The following CRPPA variants were observed in gnomAD, a reference collection of about 807,000 sequenced individuals.
CRPPA encodes D-ribitol-5-phosphate cytidylyltransferase.
CRPPA carries 43 observed loss-of-function variants against 52.0 expected under a neutral mutation model. The ratio of observed to expected loss-of-function variants is 0.83; its 90% CI spans 0.65 to 1.07. The LOEUF (loss-of-function observed/expected upper bound fraction) is 1.07, where lower values mean the gene tolerates loss of function less well. Ranked by LOEUF, CRPPA falls within the 50% of genes least tolerant of loss-of-function variation. The pLI is 0.00. For synonymous variants in CRPPA, 250 were observed against 203.5 expected, an observed-to-expected ratio of 1.23 and a Z score of -1.94; for missense variants, 629 against 551.7, an observed-to-expected ratio of 1.14 and a Z score of -1.40.
Position 16,306,531 on chromosome 7 carries a change from G to A in CRPPA, c.789+1992C>T, listed in dbSNP as rs148559005. On this transcript the variant is annotated intron_variant, in intron 4 of 9. Coordinates refer to ENST00000407010, the MANE Select transcript of CRPPA (RefSeq NM_001101426.4). ...TCCTTTTCATCCACAGATCTCAAGA[G>A]TGCTTTACAAACTTGATGAGGGCTC... 2.5e-3 allele frequency among the ~76,000 whole-genome samples: 378 copies of A among 152,306 alleles called. 2 individuals are homozygous for A. Among genetic ancestry groups the A allele is most frequent in the African/African-American group, 8.7e-3 (362 of 41,572 alleles).
In CRPPA at chr7:16,089,400, A is replaced by ACATAT. The variant is rs541517597; in HGVS notation, c.*2294_*2295insATATG. On this transcript the variant is annotated 3_prime_UTR_variant, in exon 10 of 10. Coordinates refer to ENST00000407010, the MANE Select transcript of CRPPA (RefSeq NM_001101426.4). The stretch of plus-strand genomic sequence containing the variant: ...TATATACGTATATATGTATGTACAT[A>ACATAT]ATGTGTATATATGTACGTACATACA... The ACATAT allele has an allele frequency of 1.1e-5, 4 of 362,400 alleles. No individual in the cohort carries two copies. The highest frequency in any genetic ancestry group is 7.9e-5 in the East Asian group (1 of 12,622). 22.4% of individuals were successfully genotyped at this position (362,400 alleles called of 1,614,324 possible). A position where few individuals can be genotyped will look rare whatever the true frequency, so the allele number is the denominator to read the frequency against.
chr7:16,339,851 A>T (rs2526610), intron 3 of CRPPA, among the ~76,000 whole-genome samples: 13,889 of 152,246 alleles, frequency 0.091, 1,004 homozygotes, highest in African/African-American at 0.2. Context: ...CCAGACTTCA[A>T]CAGTTACTGT....
chr7:16,190,154 C>G (rs1562547776), intron 9 of CRPPA, among the ~76,000 whole-genome samples: 1 of 152,124 alleles, frequency 6.6e-6, no homozygotes, highest in African/African-American at 2.4e-5. Flanking sequence ...AGTGTCAAGC[C>G]AGCTTGCAGA....
At chr7:16,354,913 A>C (rs1047146185) in intron 3 of CRPPA, among the ~76,000 whole-genome samples, 1 of 152,216 alleles carries the variant, frequency 6.6e-6, no homozygotes, top group African/African-American at 2.4e-5. Flanking sequence ...GTTAAACCAG[A>C]AAGATGAAAA....
Position 16,258,417 on chromosome 7 carries a change from GCAAAGA to G in CRPPA, c.1086_1091del (p.Leu363_Cys364del), listed in dbSNP as rs1783702724. ...AAACAACAACAACAGGATATAAAAT[GCAAAGA>G]CTACTCTCTTCAAGCATGCTCAGTA... On this transcript the variant is annotated inframe_deletion, in exon 8 of 10. Transcript: ENST00000407010. The G allele has an allele frequency of 6.2e-7, 1 of 1,605,146 alleles. No homozygotes were observed.
At chr7:16,365,551 A>G (rs752546840) in intron 3 of CRPPA, among the ~76,000 whole-genome samples, 11 of 152,206 alleles carry the variant, frequency 7.2e-5, no homozygotes, top group Non-Finnish European at 1.5e-4. Context: ...ACATAAAGCA[A>G]CATAATAGAG....
chr7:16,138,259 T>C (rs952175125), intron 9 of CRPPA, among the ~76,000 whole-genome samples: 9 of 152,186 alleles, frequency 5.9e-5, no homozygotes, highest in Admixed American at 1.3e-4. Context: ...GGTAGAACAA[T>C]TGATTTACAG....
chr7:16,353,004 T>C (rs1339061334), intron 3 of CRPPA, among the ~76,000 whole-genome samples: 1 of 151,996 alleles, frequency 6.6e-6, no homozygotes. Flanking sequence ...GACATTTTGC[T>C]AAGTAAAATA....
At position 16,216,088 on chromosome 7, in the gene CRPPA, C is replaced by G; in HGVS notation, c.1229G>C (p.Gly410Ala). The G allele has an allele frequency of 6.3e-7, 1 of 1,597,246 alleles. No individual in the cohort carries two copies. The highest frequency in any genetic ancestry group is 8.5e-7 in the Non-Finnish European group (1 of 1,170,768). Residue 410 changes from glycine (G) to alanine (A), a missense_variant, in exon 9 of 10, where the codon GGG becomes GCG. Gly to Ala is a moderately conservative substitution (Grantham distance 60). Transcript: ENST00000407010. ...TACCTGTGGGTAAGATATGAGAAGC[C>G]CATATAACAAAATATTTCTTTCTTT... ...EVKERNILLY[G>A]LLISYPQDDQ...
In CRPPA at chr7:16,269,201, T is replaced by C. The variant is rs1470040580; in HGVS notation, c.933+8928A>G. 4 of 151,840 alleles carry C rather than the reference T, an allele frequency of 2.6e-5. No homozygotes were observed. In the South Asian group the frequency reaches 8.3e-4, roughly 31 times the overall value. The allele number at this position is 151,840 out of a possible 1,614,324, so 9.4% of individuals were successfully genotyped here. On this transcript the variant is annotated intron_variant, in intron 6 of 9. Coordinates refer to ENST00000407010, the MANE Select transcript of CRPPA (RefSeq NM_001101426.4). The stretch of plus-strand genomic sequence containing the variant: ...TCCACAGCACTGTGTGAGGGATCAG[T>C]GATAAGAGACGGTGAAAGACATGCG...
rs529313675 is a variant in CRPPA, at chr7:16,095,292, A to C, written c.1252-3493T>G. 1.4e-4 allele frequency among the ~76,000 whole-genome samples: 21 copies of C among 152,322 alleles called. No individual in the cohort carries two copies. In the South Asian group the frequency reaches 4.1e-3, roughly 30 times the overall value. On this transcript the variant is annotated intron_variant, in intron 9 of 9. Transcript: ENST00000407010. ...CCTTTAATAAACTATGCAGTTGGGA[A>C]GTCAGATTGCTGCTATTTATATACA...
intron 3 of CRPPA, among the ~76,000 whole-genome samples, chr7:16,366,117 C>G (rs1217962878): frequency 6.6e-6 from 1 of 152,208 alleles, no homozygotes; most frequent in African/African-American, 2.4e-5. Context: ...ATAGCACCTT[C>G]TTGTTGCATC....
intron 5 of CRPPA, among the ~76,000 whole-genome samples, chr7:16,286,068 T>TTAAAAA (rs1562608533): frequency 4.2e-5 from 1 of 24,066 alleles, no homozygotes; most frequent in Non-Finnish European, 7.2e-5. Context: ...TATATATATA[T>TTAAAAA]ATATATATAT....
At chr7:16,348,232 T>C (rs1415902805) in intron 3 of CRPPA, among the ~76,000 whole-genome samples, 1 of 152,176 alleles carries the variant, frequency 6.6e-6, no homozygotes, top group Non-Finnish European at 1.5e-5. Context: ...TGTCTGTCCA[T>C]TGAATGCTCA....
intron 2 of CRPPA, among the ~76,000 whole-genome samples, chr7:16,404,618 C>CAA (rs57602557): frequency 7.1e-4 from 71 of 100,600 alleles, no homozygotes; most frequent in African/African-American, 2.1e-3. Context: ...GTAACACAGG[C>CAA]AAAAAAAAAA....
chr7:16,274,676 G>A (rs1398444659), intron 6 of CRPPA, among the ~76,000 whole-genome samples: 2 of 151,992 alleles, frequency 1.3e-5, no homozygotes, highest in Non-Finnish European at 2.9e-5. Flanking sequence ...TTATATGAAG[G>A]AAATCCCTAA....
intron 1 of CRPPA, among the ~76,000 whole-genome samples, chr7:16,412,994 G>A (rs991066094): frequency 2.0e-5 from 3 of 152,146 alleles, no homozygotes; most frequent in Admixed American, 6.5e-5. Context: ...TGAAACAGAT[G>A]GGAAAGATCA....
At position 16,387,076 on chromosome 7, in the gene CRPPA, T is replaced by TACAC. The variant is rs1415862594; in HGVS notation, c.535-10836_535-10835insGTGT. On this transcript the variant is annotated intron_variant, in intron 2 of 9. Coordinates refer to ENST00000407010, the MANE Select transcript of CRPPA (RefSeq NM_001101426.4). ...ATATATATATATATATATATATATA[T>TACAC]ATATATATATACACACATATATATA... 2.9e-4 allele frequency among the ~76,000 whole-genome samples: 19 copies of TACAC among 65,668 alleles called. 1 individual carries two copies. Among genetic ancestry groups the TACAC allele is most frequent in the African/African-American group, 1.7e-3 (19 of 11,398 alleles). The allele number at this position is 65,668 out of a possible 152,430, so 43.1% of individuals were successfully genotyped here.
In CRPPA at chr7:16,286,066, T is replaced by TTTAAAAAAAAAAA. The variant is rs1562608525; in HGVS notation, c.836-7841_836-7840insTTTTTTTTTTTAA. On this transcript the variant is annotated intron_variant, in intron 5 of 9. Transcript: ENST00000407010. Reference sequence around the variant, plus strand: ...ATAAATATATATATATATATATATATATATATATATATATAATATTTAAAA... The same window carrying TTTAAAAAAAAAAA: ...ATAAATATATATATATATATATATATTTAAAAAAAAAAAATATATATATATATAATATTTAAAA... Among the ~76,000 whole-genome samples, 11 of 25,826 alleles carry TTTAAAAAAAAAAA rather than the reference T, an allele frequency of 4.3e-4. 1 individual carries two copies. Among genetic ancestry groups the TTTAAAAAAAAAAA allele is most frequent in the African/African-American group, 1.6e-3 (7 of 4,404 alleles). The allele number at this position is 25,826 out of a possible 152,430, so 16.9% of individuals were successfully genotyped here.
Sources: gnomAD v4.1 joint callset for allele counts (sites outside exome capture counted in the v4.1 genomes callset) on GRCh38, gnomAD v4.1.1 for gene constraint, MANE v1.5 for transcripts, NCBI Gene and HGNC (gene_info 2026-07-23, HGNC 2026-07-21) for gene names.